Variants in FOXP2 observed in about 807,000 individuals in gnomAD.
FOXP2 encodes the protein forkhead box P2.
Under a neutral mutation model 115.8 loss-of-function variants are expected in FOXP2, and 12 were observed. The observed-to-expected ratio is 0.10, with a 90% CI of 0.07 to 0.17. The LOEUF (loss-of-function observed/expected upper bound fraction) is 0.17, where lower values mean the gene tolerates loss of function less well. Among genes scored for constraint, FOXP2 ranks in the 10% least tolerant of loss-of-function variants. FOXP2 has a pLI of 1.00. For missense variants in FOXP2, 629 were observed against 843.5 expected, an observed-to-expected ratio of 0.75 and a Z score of 3.15; for synonymous variants, 328 against 297.7, an observed-to-expected ratio of 1.10 and a Z score of -1.05.
At chr7:114,498,901 A>G in intron 2 of FOXP2, 1 of 717,980 alleles carries the variant, frequency 1.4e-6, no homozygotes, top group South Asian at 1.5e-5. Context: ...TGTCTCTTAC[A>G]CCCAGGTTAT....
chr7:114,629,548 C>A, intron 4 of FOXP2: 1 of 1,490,106 alleles, frequency 6.7e-7, no homozygotes, highest in Non-Finnish European at 9.0e-7. Context: ...ATTAATTTGG[C>A]TCTGACCCTT....
intron 8 of FOXP2, 92 bp downstream of exon 8, chr7:114,644,881 A>C: frequency 3.1e-6 from 3 of 978,492 alleles, no homozygotes; most frequent in Non-Finnish European, 4.7e-6. Flanking sequence ...TGAAGGAGGA[A>C]TGTAAAAGTC....
At chr7:114,429,151 A>G (rs886338163) in intron 2 of FOXP2, among the ~76,000 whole-genome samples, 3 of 151,538 alleles carry the variant, frequency 2.0e-5, no homozygotes, top group African/African-American at 7.2e-5. Flanking sequence ...CCATGTATTT[A>G]GCATGAAGAG....
chr7:114,412,417 TAA>T (rs1398285681), upstream of FOXP2, among the ~76,000 whole-genome samples: 1 of 152,148 alleles, frequency 6.6e-6, no homozygotes. Flanking sequence ...GTGCTGATAG[TAA>T]AGAATGTGGG....
At chr7:114,571,482 T>C (rs1801300171) in intron 3 of FOXP2, among the ~76,000 whole-genome samples, 1 of 151,890 alleles carries the variant, frequency 6.6e-6, no homozygotes, top group Non-Finnish European at 1.5e-5. Flanking sequence ...AGATTCTACC[T>C]GCATTCTTAA....
intron 1 of FOXP2, among the ~76,000 whole-genome samples, chr7:114,271,432 C>G (rs1459279320): frequency 7.0e-6 from 1 of 143,472 alleles, no homozygotes; most frequent in Non-Finnish European, 1.5e-5. Flanking sequence ...TGTTCTTTAT[C>G]AAGTTAAGGA....
intron 2 of FOXP2, among the ~76,000 whole-genome samples, chr7:114,336,987 T>C (rs946515216): frequency 2.0e-5 from 3 of 151,522 alleles, no homozygotes; most frequent in East Asian, 3.9e-4. Flanking sequence ...CTTTTAATAA[T>C]TGAATCAACA....
At chr7:114,676,251 A>G (rs1321299974) in intron 16 of FOXP2, among the ~76,000 whole-genome samples, 1 of 152,006 alleles carries the variant, frequency 6.6e-6, no homozygotes, top group East Asian at 1.9e-4. Context: ...TATCGGAGCT[A>G]GTTAATGTAT....
chr7:114,251,851 G>T (rs958775299), intron 1 of FOXP2, among the ~76,000 whole-genome samples: 4 of 152,184 alleles, frequency 2.6e-5, no homozygotes, highest in African/African-American at 9.7e-5. Context: ...GTGAGAGAGG[G>T]CTTCCCTGTC....
At chr7:114,363,823 T>C (rs528050217) in intron 2 of FOXP2, among the ~76,000 whole-genome samples, 16 of 152,234 alleles carry the variant, frequency 1.1e-4, no homozygotes, top group African/African-American at 3.6e-4. Context: ...TGTATATATG[T>C]GTATTTAAAA....
intron 2 of FOXP2, among the ~76,000 whole-genome samples, chr7:114,469,139 A>G (rs1403867544): frequency 6.6e-6 from 1 of 152,168 alleles, no homozygotes; most frequent in Non-Finnish European, 1.5e-5. Context: ...TGAGAGAATC[A>G]GAGCTGTCCC....
At chr7:114,442,620 G>A (rs1794656331) in intron 2 of FOXP2, among the ~76,000 whole-genome samples, 1 of 151,958 alleles carries the variant, frequency 6.6e-6, no homozygotes, top group South Asian at 2.1e-4. Flanking sequence ...ATCATGCCTG[G>A]CTATCATATT....
At chr7:114,493,523 G>T (rs150150455) in intron 2 of FOXP2, among the ~76,000 whole-genome samples, 171 of 152,214 alleles carry the variant, frequency 1.1e-3, no homozygotes, top group Non-Finnish European at 2.0e-3. Context: ...ATAGTGCTGT[G>T]CTCCTAAATG....
chr7:114,221,540 C>G (rs759135926), intron 1 of FOXP2, among the ~76,000 whole-genome samples: 4 of 152,068 alleles, frequency 2.6e-5, no homozygotes, highest in Admixed American at 6.5e-5. Flanking sequence ...GTGTATCTTC[C>G]TATTTTCTGT....
At chr7:114,142,313 C>T (rs1792239447) in intron 1 of FOXP2, among the ~76,000 whole-genome samples, 1 of 152,178 alleles carries the variant, frequency 6.6e-6, no homozygotes, top group African/African-American at 2.4e-5. Flanking sequence ...TGAGCCACTG[C>T]ACCTGGCTAG....
At chr7:114,259,843 G>T (rs969314347) in intron 1 of FOXP2, among the ~76,000 whole-genome samples, 1 of 152,034 alleles carries the variant, frequency 6.6e-6, no homozygotes, top group African/African-American at 2.4e-5. Flanking sequence ...CTCTGTGGTA[G>T]GTTGCAAAAA....
At chr7:114,271,583 A>G (rs1197974321) in intron 1 of FOXP2, among the ~76,000 whole-genome samples, 12 of 125,644 alleles carry the variant, frequency 9.6e-5, no homozygotes, top group Admixed American at 5.9e-4. Flanking sequence ...TTTATATATT[A>G]ATATTATTAT....
chr7:114,347,931 A>G (rs1227138066), intron 2 of FOXP2, among the ~76,000 whole-genome samples: 1 of 152,112 alleles, frequency 6.6e-6, no homozygotes, highest in Non-Finnish European at 1.5e-5. Context: ...TCTAATTTTA[A>G]TGAAACTCTA....
intron 2 of FOXP2, among the ~76,000 whole-genome samples, chr7:114,502,740 T>G (rs1210734860): frequency 6.6e-6 from 1 of 152,036 alleles, no homozygotes; most frequent in Non-Finnish European, 1.5e-5. Context: ...ATGCACAGAT[T>G]CCTGGGATAT....
Sources: allele counts gnomAD v4.1 joint callset (sites outside exome capture counted in the v4.1 genomes callset), GRCh38; gene constraint gnomAD v4.1.1; transcripts MANE v1.5; gene names NCBI Gene and HGNC (gene_info 2026-07-23, HGNC 2026-07-21).